The following CACNA1E variants were observed in gnomAD, a reference collection of about 807,000 sequenced individuals.
The protein encoded by CACNA1E is calcium voltage-gated channel subunit alpha1 E, also known as voltage-dependent R-type calcium channel subunit alpha-1E.
Under a neutral mutation model 259.2 loss-of-function variants are expected in CACNA1E, and 40 were observed. The observed-to-expected ratio is 0.15, with a 90% CI of 0.12 to 0.20. CACNA1E has a LOEUF of 0.20. Among genes scored for constraint, CACNA1E ranks in the 10% least tolerant of loss-of-function variants. CACNA1E has a pLI of 1.00. For missense variants in CACNA1E, 1,874 were observed against 3,040.1 expected (o/e 0.62, Z 9.02); for synonymous variants, 1,104 against 1,138.5 (o/e 0.97, Z 0.61).
upstream of CACNA1E, among the ~76,000 whole-genome samples, chr1:181,481,335 T>TACACACAC (rs113766656): frequency 0.028 from 4,140 of 145,450 alleles, 86 homozygotes; most frequent in Admixed American, 0.058. Flanking sequence ...AGAATTTTCC[T>TACACACAC]ACACACACAC....
chr1:181,714,530 C>G (rs1653705735), intron 8 of CACNA1E, among the ~76,000 whole-genome samples: 1 of 152,118 alleles, frequency 6.6e-6, no homozygotes, highest in East Asian at 1.9e-4. Context: ...TGCCCCTCCT[C>G]CCTAGAAGTG....
At chr1:181,672,657 C>T (rs910302745) in intron 7 of CACNA1E, among the ~76,000 whole-genome samples, 2 of 152,184 alleles carry the variant, frequency 1.3e-5, no homozygotes, top group Non-Finnish European at 2.9e-5. Flanking sequence ...CATTTCTGGC[C>T]CCCTTTCCTC....
intron 3 of CACNA1E, among the ~76,000 whole-genome samples, chr1:181,565,190 A>G (rs1367704804): frequency 6.6e-6 from 1 of 152,188 alleles, no homozygotes; most frequent in Admixed American, 6.5e-5. Flanking sequence ...AGATGGTATT[A>G]TCTATATGGA....
At chr1:181,430,201 C>G (rs573158138) in intron 2 of CACNA1E, among the ~76,000 whole-genome samples, 1 of 152,290 alleles carries the variant, frequency 6.6e-6, no homozygotes, top group East Asian at 1.9e-4. Context: ...CACAATGTAG[C>G]AGTCTCTCGT....
chr1:181,468,708 A>G (rs1385723274), intron 2 of CACNA1E, among the ~76,000 whole-genome samples: 3 of 152,184 alleles, frequency 2.0e-5, no homozygotes, highest in African/African-American at 4.8e-5. Context: ...TATGACCACA[A>G]ATTGCTTCAT....
At chr1:181,644,300 C>T (rs1311859949) in intron 6 of CACNA1E, among the ~76,000 whole-genome samples, 3 of 152,236 alleles carry the variant, frequency 2.0e-5, no homozygotes, top group South Asian at 4.2e-4. Context: ...CCAGATCTGC[C>T]GATAAGTTGC....
rs542612990 is a variant in CACNA1E at position 181,590,139 on chromosome 1, C to T, written c.951+9363C>T. Among the ~76,000 whole-genome samples the T allele has an allele frequency of 3.3e-5, 5 of 152,270 alleles. No individual in the cohort carries two copies. The South Asian group carries it at 1.0e-3, about 32-fold the overall frequency. On this transcript the variant is annotated intron_variant, in intron 6 of 47. Transcript: ENST00000367573. ...TTTGGCCACAGCGAAGCTTCAGCTG[C>T]AGCTTTCCCTGTTGATTGACATGTG...
In CACNA1E at chr1:181,502,542, C is replaced by T. The variant is rs531990414; in HGVS notation, c.267-7935C>T. ...GCCCTCTCACCTGGGCAGGGTGGAG[C>T]GGCTTGCTGAGAGGCATTAGAAAGC... is the stretch of plus-strand genomic sequence containing the variant. On this transcript the variant is annotated intron_variant, in intron 1 of 47. Coordinates refer to ENST00000367573, the MANE Select transcript of CACNA1E (RefSeq NM_001205293.3). Among the ~76,000 whole-genome samples, 14 of 152,268 alleles carry T rather than the reference C, an allele frequency of 9.2e-5. No individual in the cohort carries two copies. In the South Asian group the frequency reaches 1.2e-3, roughly 14 times the overall value.
At chr1:181,759,742 A>G (rs1012923438) in intron 32 of CACNA1E, among the ~76,000 whole-genome samples, 6 of 152,080 alleles carry the variant, frequency 3.9e-5, no homozygotes, top group Non-Finnish European at 5.9e-5. Context: ...TTCAAATTAC[A>G]TGTGTGTATG....
chr1:181,656,804 GTTTAGATATA>G (rs1383208019), intron 7 of CACNA1E, among the ~76,000 whole-genome samples: 1 of 152,000 alleles, frequency 6.6e-6, no homozygotes, highest in Non-Finnish European at 1.5e-5. Flanking sequence ...CCTTTTCTAT[GTTTAGATATA>G]TTTAGATGTA....
chr1:181,777,502 C>A (rs994937686), intron 38 of CACNA1E, among the ~76,000 whole-genome samples: 1 of 152,116 alleles, frequency 6.6e-6, no homozygotes, highest in Non-Finnish European at 1.5e-5. Context: ...TATCTAAATC[C>A]ATTCCTATTA....
chr1:181,522,499 A>G (rs1253672542), intron 3 of CACNA1E, among the ~76,000 whole-genome samples: 2 of 152,232 alleles, frequency 1.3e-5, no homozygotes, highest in East Asian at 3.8e-4. Context: ...TGGTCAAAAG[A>G]TCAAGCCAAC....
At chr1:181,322,537 G>T (rs960643763) in intron 1 of CACNA1E, among the ~76,000 whole-genome samples, 5 of 152,190 alleles carry the variant, frequency 3.3e-5, no homozygotes. Context: ...GAAGATGTGT[G>T]GTACCTTTCT....
chr1:181,781,875 A>T (rs1660459440), intron 39 of CACNA1E, among the ~76,000 whole-genome samples: 3 of 152,220 alleles, frequency 2.0e-5, no homozygotes, highest in Admixed American at 2.0e-4. Context: ...ATGGGCAAGA[A>T]GGAAGCCTAC....
intron 6 of CACNA1E, among the ~76,000 whole-genome samples, chr1:181,603,459 T>C (rs1653927703): frequency 6.6e-6 from 1 of 152,162 alleles, no homozygotes; most frequent in Admixed American, 6.5e-5. Context: ...GGTATTGTTG[T>C]GGGGAGTAGC....
chr1:181,347,744 G>A lies in CACNA1E; in HGVS notation c.-15+29621G>A, dbSNP rs73042236. ...ATTGTGGGTGATGGAATTGGTGACA[G>A]CAAGTGGGCCTCAGCCTGCTGGGTG... On this transcript the variant is annotated intron_variant, in intron 1 of 11. Transcript: ENST00000524607. Among the ~76,000 whole-genome samples the A allele has an allele frequency of 5.9e-3, 892 of 152,372 alleles. 9 individuals carry two copies. Among genetic ancestry groups the A allele is most frequent in the African/African-American group, 0.021 (860 of 41,590 alleles).
At position 181,733,798 on chromosome 1, in the gene CACNA1E, C is replaced by G. The variant is rs756900201; in HGVS notation, c.3262+48C>G. 2.3e-5 allele frequency: 31 copies of G among 1,348,506 alleles called. No homozygotes were observed. The East Asian group carries it at 7.4e-4, about 32-fold the overall frequency. The allele number at this position is 1,348,506 out of a possible 1,614,324, so 83.5% of individuals were successfully genotyped here. A position where few individuals can be genotyped will look rare whatever the true frequency, so the allele number is the denominator to read the frequency against. On this transcript the variant is annotated intron_variant, in intron 21 of 47. Coordinates refer to ENST00000367573, the MANE Select transcript of CACNA1E (RefSeq NM_001205293.3). Reference sequence around the variant, plus strand: ...CCTCCACCCCCAACTCCTATCCCATCTGGGGCTGGGGCCATGACAATAAAG... The same window carrying G: ...CCTCCACCCCCAACTCCTATCCCATGTGGGGCTGGGGCCATGACAATAAAG...
At chr1:181,625,764 C>T (rs567505915) in intron 6 of CACNA1E, among the ~76,000 whole-genome samples, 15 of 152,164 alleles carry the variant, frequency 9.9e-5, no homozygotes, top group South Asian at 4.1e-4. Context: ...TAATTTCCTT[C>T]GACAACTTTT....
intron 7 of CACNA1E, among the ~76,000 whole-genome samples, chr1:181,708,577 G>A (rs1036501806): frequency 6.6e-6 from 1 of 152,184 alleles, no homozygotes; most frequent in Non-Finnish European, 1.5e-5. Context: ...TTCCCCCAGG[G>A]TTGAGAAATC....
Sources: allele counts gnomAD v4.1 joint callset (sites outside exome capture counted in the v4.1 genomes callset), GRCh38; gene constraint gnomAD v4.1.1; transcripts MANE v1.5; gene names NCBI Gene and HGNC (gene_info 2026-07-23, HGNC 2026-07-21).